Variants in ZBTB44 observed in about 807,000 individuals in gnomAD.
ZBTB44 encodes zinc finger and BTB domain-containing protein 44.
ZBTB44 carries 15 observed loss-of-function variants against 54.0 expected under a neutral mutation model. The observed-to-expected ratio is 0.28, with a 90% CI of 0.19 to 0.43. The LOEUF (loss-of-function observed/expected upper bound fraction) is 0.43, where lower values mean the gene tolerates loss of function less well. Among genes scored for constraint, ZBTB44 ranks in the 20% least tolerant of loss-of-function variants. ZBTB44 has a pLI of 1.00. For synonymous variants in ZBTB44, 230 were observed against 250.1 expected, an observed-to-expected ratio of 0.92 and a Z score of 0.76; for missense variants, 487 against 707.1, an observed-to-expected ratio of 0.69 and a Z score of 3.53.
chr11:130,280,437 C>A (rs1274728330), intron 1 of ZBTB44, among the ~76,000 whole-genome samples: 1 of 152,026 alleles, frequency 6.6e-6, no homozygotes, highest in African/African-American at 2.4e-5. Flanking sequence ...TAAAAGACAG[C>A]ATCAAAATAC....
chr11:130,287,920 A>G (rs189050185), intron 1 of ZBTB44, among the ~76,000 whole-genome samples: 18 of 151,868 alleles, frequency 1.2e-4, no homozygotes, highest in African/African-American at 4.3e-4. Context: ...AAATAACAGT[A>G]CATTTTAAGA....
At chr11:130,279,376 A>C (rs563569884) in intron 1 of ZBTB44, among the ~76,000 whole-genome samples, 1 of 151,862 alleles carries the variant, frequency 6.6e-6, no homozygotes, top group South Asian at 2.1e-4. Flanking sequence ...AATGTGGCTC[A>C]GGTTGGGTGC....
In ZBTB44 at chr11:130,227,899, A is replaced by G. The variant is rs1005604775; in HGVS notation, c.*3865T>C. 2.6e-5 allele frequency: 4 copies of G among 152,182 alleles called. No individual in the cohort carries two copies. Among genetic ancestry groups the G allele is most frequent in the Non-Finnish European group, 5.9e-5 (4 of 68,030 alleles). 9.4% of individuals were successfully genotyped at this position (152,182 alleles called of 1,614,324 possible). A position where few individuals can be genotyped will look rare whatever the true frequency, so the allele number is the denominator to read the frequency against. ...TGCTTCTCTGGAAAGACACTTCTAA[A>G]TCCTGGAGATTAAATTTACTCTTAA... On this transcript the variant is annotated 3_prime_UTR_variant, in exon 8 of 8. Coordinates refer to ENST00000357899, the MANE Select transcript of ZBTB44 (RefSeq NM_001301098.2).
chr11:130,245,453 G>A (rs908163614), intron 2 of ZBTB44, among the ~76,000 whole-genome samples: 1 of 152,206 alleles, frequency 6.6e-6, no homozygotes, highest in Non-Finnish European at 1.5e-5. Flanking sequence ...AAAAACACCA[G>A]TATTTAGCGT....
chr11:130,251,475 AC>A (rs1475871107), intron 2 of ZBTB44, among the ~76,000 whole-genome samples: 1 of 152,172 alleles, frequency 6.6e-6, no homozygotes, highest in African/African-American at 2.4e-5. Flanking sequence ...GAGAATAGCA[AC>A]CCCAAGAGAC....
chr11:130,242,456 C>G (rs1954410906), intron 2 of ZBTB44, among the ~76,000 whole-genome samples: 1 of 152,196 alleles, frequency 6.6e-6, no homozygotes, highest in African/African-American at 2.4e-5. Flanking sequence ...CATCTATGCT[C>G]ACTTCACTTC....
chr11:130,296,550 A>G, intron 1 of ZBTB44: 1 of 902,410 alleles, frequency 1.1e-6, no homozygotes, highest in Non-Finnish European at 1.8e-6. Flanking sequence ...CACTATGACC[A>G]TCCGGATGAC....
At chr11:130,257,238 TAAA>T (rs572669481) in intron 2 of ZBTB44, among the ~76,000 whole-genome samples, 2 of 109,332 alleles carry the variant, frequency 1.8e-5, no homozygotes, top group Admixed American at 1.0e-4. Flanking sequence ...TCCCAGATCT[TAAA>T]AAAAAAAAAA....
chr11:130,275,714 G>A (rs1227025353), intron 1 of ZBTB44, among the ~76,000 whole-genome samples: 2 of 151,868 alleles, frequency 1.3e-5, no homozygotes, highest in Non-Finnish European at 2.9e-5. Context: ...TGCAACTTCC[G>A]CCTCCCAGGT....
chr11:130,272,922 G>A (rs377192973), intron 1 of ZBTB44, among the ~76,000 whole-genome samples: 1 of 152,102 alleles, frequency 6.6e-6, no homozygotes, highest in Non-Finnish European at 1.5e-5. Context: ...ATATGTCCTT[G>A]TGCCAGTACC....
intron 1 of ZBTB44, among the ~76,000 whole-genome samples, chr11:130,275,816 C>A (rs1471570030): frequency 6.6e-6 from 1 of 152,020 alleles, no homozygotes; most frequent in Non-Finnish European, 1.5e-5. Flanking sequence ...TTAGTAAAGA[C>A]AGGGTTTCAC....
In ZBTB44 at chr11:130,293,430, C is replaced by T. The variant is rs115488236; in HGVS notation, c.-57+20945G>A. Among the ~76,000 whole-genome samples, 875 of 148,890 alleles carry T rather than the reference C, an allele frequency of 5.9e-3. 11 individuals are homozygous for T. Among genetic ancestry groups the T allele is most frequent in the African/African-American group, 0.02 (808 of 40,438 alleles). Reference sequence around the variant, plus strand: ...TTGAGACTACAGTGAGCTGTGATTTCACCACTGCACTCCAGCCGGGATGAC... The same window carrying T: ...TTGAGACTACAGTGAGCTGTGATTTTACCACTGCACTCCAGCCGGGATGAC... On this transcript the variant is annotated intron_variant, in intron 1 of 7. Transcript: ENST00000357899.
At position 130,261,511 on chromosome 11, in the gene ZBTB44, T is replaced by C. The variant is rs983423808; in HGVS notation, c.363A>G (p.Ser121=). The stretch of plus-strand genomic sequence containing the variant: ...ATAAAATGCTTGATTTCATGAACTC[T>C]GAGCAGGTGCTGGCAACACTGAACA... ...MQMFSVASTC[S]EFMKSSILWN... is the part of the protein sequence containing the mutation. The change falls in exon 2 of 8, where the codon TCA becomes TCG. Residue 121 remains serine (S), a synonymous_variant. Coordinates refer to ENST00000357899, the MANE Select transcript of ZBTB44 (RefSeq NM_001301098.2). This position sits in a 1 kb window ranked among gnomAD's most constrained non-coding sequence, Gnocchi z 4.8. 6.2e-7 allele frequency: 1 copy of C among 1,614,054 alleles called. No individual in the cohort carries two copies. Among genetic ancestry groups the C allele is most frequent in the African/African-American group, 1.3e-5 (1 of 75,076 alleles).
At position 130,237,035 on chromosome 11, in the gene ZBTB44, T is replaced by C; in HGVS notation, c.1326A>G (p.Leu442=). 2 of 1,608,944 alleles carry C rather than the reference T, an allele frequency of 1.2e-6. No homozygotes were observed. Among genetic ancestry groups the C allele is most frequent in the East Asian group, 2.3e-5 (1 of 44,342 alleles). Reference sequence around the variant, plus strand: ...CTTCATGCTTTAGGCGATGCATCTTTAGCGAGTAAGCCCTGGTGAACTTTT... The same window carrying C: ...CTTCATGCTTTAGGCGATGCATCTTCAGCGAGTAAGCCCTGGTGAACTTTT... ...CGKKFTRAYS[L]KMHRLKHEGK... The change falls in exon 5 of 8, where the codon CTA becomes CTG. Residue 442 remains leucine (L), a synonymous_variant. Transcript: ENST00000357899.
intron 1 of ZBTB44, among the ~76,000 whole-genome samples, chr11:130,308,285 T>C (rs1359603531): frequency 1.3e-5 from 2 of 152,308 alleles, no homozygotes; most frequent in East Asian, 1.9e-4. Flanking sequence ...CATATCCCCG[T>C]TGCAATCTCT....
At chr11:130,293,622 G>GA (rs771432644) in intron 1 of ZBTB44, among the ~76,000 whole-genome samples, 9,704 of 100,014 alleles carry the variant, frequency 0.097, 650 homozygotes, top group African/African-American at 0.22. Context: ...TCTACTTAAA[G>GA]AAAAAAAAAA....
intron 4 of ZBTB44, among the ~76,000 whole-genome samples, 190 bp downstream of exon 4, chr11:130,238,254 T>C (rs1410515474): frequency 1.3e-5 from 2 of 152,344 alleles, no homozygotes; most frequent in Admixed American, 1.3e-4. Flanking sequence ...ATCAGAATAC[T>C]CAACACCCGT....
chr11:130,312,588 A>G (rs963950486), intron 1 of ZBTB44, among the ~76,000 whole-genome samples: 4 of 152,206 alleles, frequency 2.6e-5, no homozygotes, highest in African/African-American at 9.7e-5. Flanking sequence ...TTTACAAGAC[A>G]ACTGGTTTGG....
intron 2 of ZBTB44, among the ~76,000 whole-genome samples, chr11:130,256,040 G>C (rs1217682026): frequency 6.6e-6 from 1 of 152,070 alleles, no homozygotes; most frequent in Non-Finnish European, 1.5e-5. Context: ...AAGAGAAGCT[G>C]GTACCATTCC....
Sources: allele counts gnomAD v4.1 joint callset (sites outside exome capture counted in the v4.1 genomes callset), GRCh38; gene constraint gnomAD v4.1.1; non-coding constraint Gnocchi (gnomAD v3.1); transcripts MANE v1.5; gene names NCBI Gene and HGNC (gene_info 2026-07-23, HGNC 2026-07-21).